Variants in FAM117B observed in about 807,000 individuals in gnomAD.
The protein encoded by FAM117B is family with sequence similarity 117 member B.
Under a neutral mutation model 52.8 loss-of-function variants are expected in FAM117B, and 22 were observed. That is an observed-to-expected ratio of 0.42 (90% CI 0.30 to 0.59). FAM117B has a LOEUF of 0.59. Ranked by LOEUF, FAM117B falls within the 20% of genes least tolerant of loss-of-function variation. FAM117B has a pLI of 0.22. For synonymous variants in FAM117B, 309 were observed against 324.1 expected, an observed-to-expected ratio of 0.95 and a Z score of 0.50; for missense variants, 678 against 802.6, an observed-to-expected ratio of 0.84 and a Z score of 1.88.
chr2:202,664,268 T>G (rs1171831250), intron 1 of FAM117B, among the ~76,000 whole-genome samples: 2 of 152,200 alleles, frequency 1.3e-5, no homozygotes. Context: ...TCCAGAGGTT[T>G]TAAGCTGTTC....
chr2:202,636,507 A>G (rs753666883), intron 1 of FAM117B, among the ~76,000 whole-genome samples: 7 of 152,170 alleles, frequency 4.6e-5, no homozygotes, highest in Non-Finnish European at 5.9e-5. Context: ...TAGGGAGCTA[A>G]CATTCGTTGT....
chr2:202,715,275 G>A (rs1158372880), intron 2 of FAM117B, among the ~76,000 whole-genome samples: 15 of 136,034 alleles, frequency 1.1e-4, no homozygotes, highest in Non-Finnish European at 1.3e-4. Context: ...ACCTCCCTCC[G>A]GGACGGGGCG....
chr2:202,649,268 T>C (rs888808477), intron 1 of FAM117B, among the ~76,000 whole-genome samples: 2 of 152,236 alleles, frequency 1.3e-5, no homozygotes, highest in Non-Finnish European at 2.9e-5. Flanking sequence ...CAGTTTAATC[T>C]ACCTACCAGA....
At chr2:202,715,237 C>T (rs546505940) in intron 2 of FAM117B, among the ~76,000 whole-genome samples, 262 of 151,062 alleles carry the variant, frequency 1.7e-3, no homozygotes, top group African/African-American at 5.9e-3. Flanking sequence ...CCGGACGGGG[C>T]GGCTGGCCGG....
At chr2:202,707,615 G>A (rs1690892733) in intron 2 of FAM117B, among the ~76,000 whole-genome samples, 1 of 151,838 alleles carries the variant, frequency 6.6e-6, no homozygotes, top group East Asian at 2.0e-4. Context: ...GCTGAGGCAC[G>A]AGAATCACTT....
At chr2:202,721,573 A>C (rs1476841126) in intron 2 of FAM117B, among the ~76,000 whole-genome samples, 1 of 152,226 alleles carries the variant, frequency 6.6e-6, no homozygotes, top group Admixed American at 6.5e-5. Flanking sequence ...CGTGCTTAAA[A>C]ATTAAACCCT....
At chr2:202,636,907 G>A (rs1382309407) in intron 1 of FAM117B, among the ~76,000 whole-genome samples, 1 of 152,186 alleles carries the variant, frequency 6.6e-6, no homozygotes, top group South Asian at 2.1e-4. Flanking sequence ...ATGATGAATA[G>A]TATTTTCTTT....
chr2:202,688,854 A>G (rs1690581564), intron 1 of FAM117B, among the ~76,000 whole-genome samples: 2 of 152,208 alleles, frequency 1.3e-5, no homozygotes, highest in South Asian at 4.1e-4. Flanking sequence ...TGATATCTAG[A>G]AACTTTTCAC....
chr2:202,721,162 G>T (rs1304670591), intron 2 of FAM117B, among the ~76,000 whole-genome samples: 1 of 151,838 alleles, frequency 6.6e-6, no homozygotes, highest in Non-Finnish European at 1.5e-5. Flanking sequence ...AACTATATTT[G>T]AGAACCTCTA....
At chr2:202,749,420 G>A (rs1691687197) in intron 4 of FAM117B, among the ~76,000 whole-genome samples, 1 of 143,808 alleles carries the variant, frequency 7.0e-6, no homozygotes, top group South Asian at 2.3e-4. Flanking sequence ...CATAGAGATA[G>A]GTTACAGGTC....
chr2:202,740,174 C>CAAAA (rs67479326), intron 4 of FAM117B, among the ~76,000 whole-genome samples: 9 of 100,608 alleles, frequency 8.9e-5, no homozygotes, highest in African/African-American at 8.1e-5. Context: ...CTTCATCCCC[C>CAAAA]AAAAAAAAAA....
chr2:202,644,064 G>GTTTGTTTTTTTTTTTTTTTTTTTTTT (rs1689816805), intron 1 of FAM117B, among the ~76,000 whole-genome samples: 1 of 95,138 alleles, frequency 1.1e-5, no homozygotes, highest in African/African-American at 4.5e-5. Flanking sequence ...TTTTTTTTTT[G>GTTTGTTTTTTTTTTTTTTTTTTTTTT]TTTTTTTTTT....
At chr2:202,755,345 C>CT (rs1455048739) in intron 4 of FAM117B, among the ~76,000 whole-genome samples, 193 bp from the exon 5 acceptor site, 1 of 152,118 alleles carries the variant, frequency 6.6e-6, no homozygotes, top group Non-Finnish European at 1.5e-5. Context: ...AAAATCCTAC[C>CT]TTCATTGTGT....
chr2:202,686,074 A>T (rs1402003654), intron 1 of FAM117B, among the ~76,000 whole-genome samples: 3 of 152,256 alleles, frequency 2.0e-5, no homozygotes, highest in Non-Finnish European at 4.4e-5. Flanking sequence ...CCAATTCAAT[A>T]AGAAGACAAA....
At chr2:202,651,910 G>C (rs1032781488) in intron 1 of FAM117B, among the ~76,000 whole-genome samples, 1 of 151,742 alleles carries the variant, frequency 6.6e-6, no homozygotes, top group Non-Finnish European at 1.5e-5. Context: ...AAAATTAGCC[G>C]GGCGTGGTGA....
chr2:202,649,353 G>A (rs1489751026), intron 1 of FAM117B, among the ~76,000 whole-genome samples: 1 of 152,036 alleles, frequency 6.6e-6, no homozygotes, highest in African/African-American at 2.4e-5. Flanking sequence ...GTTCTAAAGT[G>A]GTTGTGCTAG....
chr2:202,691,439 A>G (rs1690621041), intron 1 of FAM117B, among the ~76,000 whole-genome samples: 1 of 152,028 alleles, frequency 6.6e-6, no homozygotes, highest in Admixed American at 6.6e-5. Context: ...AAATAATAAT[A>G]ATCCAATAAT....
chr2:202,682,303 G>A (rs895065394), intron 1 of FAM117B, among the ~76,000 whole-genome samples: 1 of 152,168 alleles, frequency 6.6e-6, no homozygotes, highest in Non-Finnish European at 1.5e-5. Flanking sequence ...AGCCGTCTGC[G>A]GATGGCAAAG....
At chr2:202,745,774 A>C (rs1439603547) in intron 4 of FAM117B, among the ~76,000 whole-genome samples, 1 of 152,228 alleles carries the variant, frequency 6.6e-6, no homozygotes, top group Non-Finnish European at 1.5e-5. Flanking sequence ...ACGCAAATGG[A>C]AACCAAAAGT....
Sources: allele counts gnomAD v4.1 joint callset (sites outside exome capture counted in the v4.1 genomes callset), GRCh38; gene constraint gnomAD v4.1.1; transcripts MANE v1.5; gene names NCBI Gene and HGNC (gene_info 2026-07-23, HGNC 2026-07-21).